The following PTPN21 variants were observed in gnomAD, a reference collection of about 807,000 sequenced individuals.
PTPN21 encodes tyrosine-protein phosphatase non-receptor type 21.
In PTPN21, 77 loss-of-function variants were observed where a neutral mutation model predicts 131.8. The observed-to-expected ratio is 0.58, with a 90% confidence interval of 0.49 to 0.71. PTPN21 has a LOEUF of 0.71. PTPN21 is among the 30% of genes least tolerant of loss of function. PTPN21 has a pLI of 0.00. For missense variants in PTPN21, 1,552 were observed against 1,527.1 expected (o/e 1.02, Z -0.27); for synonymous variants, 715 against 621.3 (o/e 1.15, Z -2.24).
In PTPN21 at chr14:88,517,297, C is replaced by G. The variant is rs966315238; in HGVS notation, c.181-36G>C. 4 of 1,601,290 alleles carry G rather than the reference C, an allele frequency of 2.5e-6. No homozygotes were observed. In the African/African-American group the frequency reaches 5.4e-5, roughly 21 times the overall value. ...AGAAGGTCATTGAAGGAGGCAATAA[C>G]ATACAAAAGGATTTCAATGACTTCA... On this transcript the variant is annotated intron_variant, in intron 2 of 18. Transcript: ENST00000556564.
intron 4 of PTPN21, 134 bp downstream of exon 4, chr14:88,507,787 GAT>G (rs34965888): frequency 0.33 from 168,102 of 515,396 alleles, 28,361 homozygotes; most frequent in African/African-American, 0.48. Context: ...AAGCCCCTTA[GAT>G]AACAGAATAT....
Position 88,517,233 on chromosome 14 carries a change from T to C in PTPN21, c.209A>G (p.Asn70Ser), listed in dbSNP as rs1393953860. The C allele has an allele frequency of 6.2e-7, 1 of 1,614,078 alleles. No individual in the cohort carries two copies. The highest frequency in any genetic ancestry group is 8.5e-7 in the Non-Finnish European group (1 of 1,179,982). The change falls in exon 3 of 19, where the codon AAC (asparagine) becomes AGC (serine). Residue 70 changes from asparagine to serine, a missense_variant. Transcript: ENST00000556564. ...EVTYFSLWYYNKQNQRRWVDL... is the reference protein window; with the variant it reads ...EVTYFSLWYYSKQNQRRWVDL... Reference sequence around the variant, plus strand: ...TACCCACCGGCGCTGATTTTGCTTGTTGTAGTACCAGAGGCTGAAGTAAGT... The same window carrying C: ...TACCCACCGGCGCTGATTTTGCTTGCTGTAGTACCAGAGGCTGAAGTAAGT...
intron 2 of PTPN21, among the ~76,000 whole-genome samples, chr14:88,545,177 A>AT (rs2078758942): frequency 6.6e-6 from 1 of 152,146 alleles, no homozygotes; most frequent in Non-Finnish European, 1.5e-5. Context: ...CATTCTTCTG[A>AT]TTCCATGTTC....
chr14:88,554,772 C>G lies in PTPN21; in HGVS notation c.-324G>C, dbSNP rs913762440. 2 of 150,476 alleles carry G rather than the reference C, an allele frequency of 1.3e-5. No individual in the cohort carries two copies. Among genetic ancestry groups the G allele is most frequent in the African/African-American group, 4.9e-5 (2 of 41,198 alleles). 9.3% of individuals were successfully genotyped at this position (150,476 alleles called of 1,614,324 possible). A position where few individuals can be genotyped will look rare whatever the true frequency, so the allele number is the denominator to read the frequency against. ...GCACGCCAGCCCGGGCCGCGGCGCGCTCATGGGGCTCGCACGCCTCACTTC... is the reference window on the plus strand; with the variant it reads ...GCACGCCAGCCCGGGCCGCGGCGCGGTCATGGGGCTCGCACGCCTCACTTC... On this transcript the variant is annotated 5_prime_UTR_variant, in exon 1 of 19. Coordinates refer to ENST00000556564, the MANE Select transcript of PTPN21 (RefSeq NM_007039.4).
intron 3 of PTPN21, among the ~76,000 whole-genome samples, chr14:88,511,554 C>T (rs145927373): frequency 3.0e-3 from 461 of 152,186 alleles, no homozygotes; most frequent in African/African-American, 0.01. Context: ...CACCTGTAAT[C>T]CCAGCTACTT....
rs774263152 is a variant in PTPN21 at position 88,478,947 on chromosome 14, GTTC to G, written c.2481_2483del (p.Lys827del). ...CTAGAGGCGGGAGCCCTTCCACGATGTTCTTCTTCCCAGAGAGAAGGTCCGACA... is the reference window on the plus strand; with the variant it reads ...CTAGAGGCGGGAGCCCTTCCACGATGTTCTTCCCAGAGAGAAGGTCCGACA... On this transcript the variant is annotated inframe_deletion, in exon 13 of 19. Coordinates refer to ENST00000556564, the MANE Select transcript of PTPN21 (RefSeq NM_007039.4). The G allele has an allele frequency of 1.4e-5, 21 of 1,518,378 alleles. No individual in the cohort carries two copies. Among genetic ancestry groups the G allele is most frequent in the South Asian group, 3.9e-5 (3 of 76,978 alleles). The allele number at this position is 1,518,378 out of a possible 1,614,324, so 94.1% of individuals were successfully genotyped here. A position where few individuals can be genotyped will look rare whatever the true frequency, so the allele number is the denominator to read the frequency against.
chr14:88,478,930 G>T lies in PTPN21; in HGVS notation c.2501C>A (p.Pro834Gln). 1 of 1,504,240 alleles carries T rather than the reference G, an allele frequency of 6.6e-7. No individual in the cohort carries two copies. The highest frequency in any genetic ancestry group is 1.3e-5 in the South Asian group (1 of 75,298). The allele number at this position is 1,504,240 out of a possible 1,614,324, so 93.2% of individuals were successfully genotyped here. The change falls in exon 13 of 19, where the codon CCG becomes CAG. Residue 834 changes from proline to glutamine, a missense_variant. This residue lies in a region of PTPN21 where 1,016 missense variants were observed against 883.5 expected (regional missense o/e 1.15). Coordinates refer to ENST00000556564, the MANE Select transcript of PTPN21 (RefSeq NM_007039.4). ...SGKKNIVEGLPPLGGMKKTRV... is the reference protein window; with the variant it reads ...SGKKNIVEGLQPLGGMKKTRV... Reference sequence around the variant, plus strand: ...CGCCGCGTGGCTTACCCCTAGAGGCGGGAGCCCTTCCACGATGTTCTTCTT... The same window carrying T: ...CGCCGCGTGGCTTACCCCTAGAGGCTGGAGCCCTTCCACGATGTTCTTCTT...
rs774781552 is a variant in PTPN21, at chr14:88,479,236, G to T, written c.2195C>A (p.Ala732Glu). The T allele has an allele frequency of 6.2e-7, 1 of 1,607,514 alleles. No individual in the cohort carries two copies. The highest frequency in any genetic ancestry group is 8.5e-7 in the Non-Finnish European group (1 of 1,177,044). The stretch of plus-strand genomic sequence containing the variant: ...GGCCAGGCCGGGCCGAGGCTCGCGC[G>T]CACGTGCAGGAGGCGCCCGGGCCCC... ...ESGARAPPAR[A>E]REPRPGLAQD... The change falls in exon 13 of 19, where the codon GCG becomes GAG. Residue 732 changes from alanine to glutamate, a missense_variant. By Grantham distance (107) the Ala-to-Glu change is moderately radical. Coordinates refer to ENST00000556564, the MANE Select transcript of PTPN21 (RefSeq NM_007039.4).
intron 10 of PTPN21, chr14:88,493,095 A>G (rs1224866104): frequency 1.1e-5 from 5 of 456,500 alleles, no homozygotes; most frequent in Non-Finnish European, 2.2e-5. Flanking sequence ...AAGACATTTC[A>G]CTTCTGTAAG....
At chr14:88,489,263 A>G (rs1042939039) in intron 10 of PTPN21, among the ~76,000 whole-genome samples, 1 of 152,188 alleles carries the variant, frequency 6.6e-6, no homozygotes, top group East Asian at 1.9e-4. Context: ...CCTCGTCTGA[A>G]TTTTGCTTTG....
In PTPN21 at chr14:88,466,000, T is replaced by G. The variant is rs1369993539; in HGVS notation, c.*2137A>C. The G allele has an allele frequency of 6.6e-6, 1 of 152,092 alleles. No individual in the cohort carries two copies. Among genetic ancestry groups the G allele is most frequent in the Non-Finnish European group, 1.5e-5 (1 of 68,030 alleles). The allele number at this position is 152,092 out of a possible 1,614,324, so 9.4% of individuals were successfully genotyped here. On this transcript the variant is annotated 3_prime_UTR_variant, in exon 19 of 19. Coordinates refer to ENST00000556564, the MANE Select transcript of PTPN21 (RefSeq NM_007039.4). ...ATTAGATTTGTTTTACAATATGTTC[T>G]TGTCAACGAGCTATGTCAAACTGTT...
chr14:88,470,962 A>G (rs904761439), intron 15 of PTPN21, among the ~76,000 whole-genome samples: 2 of 152,188 alleles, frequency 1.3e-5, no homozygotes, highest in African/African-American at 4.8e-5. Context: ...TCTTTCCTCT[A>G]TTCTGCAAGT....
rs377590341 is a variant in PTPN21 at position 88,517,166 on chromosome 14, T to G, written c.276A>C (p.Ala92=). The change falls in exon 3 of 19, where the codon GCA becomes GCC. Residue 92 remains alanine, a synonymous_variant. Coordinates refer to ENST00000556564, the MANE Select transcript of PTPN21 (RefSeq NM_007039.4). The stretch of plus-strand genomic sequence containing the variant: ...CTCCAAAATAGACGGTAGGTTCCAA[T>G]GCATATTTATCCAGCTGCTTCTTCA... The part of the protein sequence containing the change: ...KPLKKQLDKY[A]LEPTVYFGVV... 1.2e-6 allele frequency: 2 copies of G among 1,614,152 alleles called. No individual in the cohort carries two copies. Among genetic ancestry groups the G allele is most frequent in the South Asian group, 2.2e-5 (2 of 91,078 alleles).
Position 88,485,853 on chromosome 14 carries a change from G to C in PTPN21, c.933-11C>G. On this transcript the variant is annotated splice_polypyrimidine_tract_variant and intron_variant, in intron 10 of 18. Coordinates refer to ENST00000556564, the MANE Select transcript of PTPN21 (RefSeq NM_007039.4). ...ACAGTCTGAGTTTGCCTATAAAATA[G>C]GATGACTCTGAGAAGAGCACATACA... The C allele has an allele frequency of 6.3e-7, 1 of 1,577,852 alleles. No homozygotes were observed. Among genetic ancestry groups the C allele is most frequent in the Non-Finnish European group, 8.7e-7 (1 of 1,148,822 alleles).
Position 88,504,423 on chromosome 14 carries a change from A to AC in PTPN21, c.587+1dup, listed in dbSNP as rs754269120. On this transcript the variant is annotated splice_donor_variant, in intron 6 of 18. Coordinates refer to ENST00000556564, the MANE Select transcript of PTPN21 (RefSeq NM_007039.4). LOFTEE classifies it high-confidence loss of function. ...TTTCCATGTCTTATTTCTTAGAGTT[A>AC]CCTGTATTTCTGATGTAGTAAGGCC... The AC allele has an allele frequency of 6.3e-7, 1 of 1,582,920 alleles. No individual in the cohort carries two copies. Among genetic ancestry groups the AC allele is most frequent in the African/African-American group, 1.3e-5 (1 of 74,312 alleles).
At chr14:88,519,282 T>C (rs770215849) in intron 2 of PTPN21, among the ~76,000 whole-genome samples, 1 of 152,166 alleles carries the variant, frequency 6.6e-6, no homozygotes, top group Non-Finnish European at 1.5e-5. Context: ...TGCTTTGTAG[T>C]TGCACACTCC....
At chr14:88,505,618 T>C (rs2078076387) in intron 4 of PTPN21, among the ~76,000 whole-genome samples, 1 of 152,188 alleles carries the variant, frequency 6.6e-6, no homozygotes, top group African/African-American at 2.4e-5. Context: ...CTATGTAATA[T>C]GATCTCATTT....
intron 12 of PTPN21, among the ~76,000 whole-genome samples, chr14:88,483,603 G>A (rs755098475): frequency 3.3e-4 from 50 of 152,122 alleles, no homozygotes; most frequent in Non-Finnish European, 1.6e-4. Context: ...TTCCTTACCC[G>A]AGAGGAAACC....
intron 13 of PTPN21, among the ~76,000 whole-genome samples, chr14:88,476,717 C>T (rs542178393): frequency 6.8e-4 from 103 of 152,260 alleles, no homozygotes; most frequent in Non-Finnish European, 1.3e-3. Flanking sequence ...TAGACTCAGC[C>T]CCAACGTTCT....
Sources: gnomAD v4.1 joint callset for allele counts (sites outside exome capture counted in the v4.1 genomes callset) on GRCh38, gnomAD v4.1.1 for gene constraint, gnomAD v4.1.1 regional missense constraint, MANE v1.5 for transcripts, NCBI Gene and HGNC (gene_info 2026-07-23, HGNC 2026-07-21) for gene names.